DENND2D: variants seen among roughly 807,000 people sequenced by gnomAD.
DENND2D encodes the protein DENN domain containing 2D, also known as DENN domain-containing protein 2D.
DENND2D carries 37 observed loss-of-function variants against 59.8 expected under a neutral mutation model. The ratio of observed to expected loss-of-function variants is 0.62; its 90% CI spans 0.48 to 0.81. DENND2D has a LOEUF of 0.81. DENND2D is among the 40% of genes least tolerant of loss of function. DENND2D has a pLI of 0.00. For synonymous variants in DENND2D, 219 were observed against 211.3 expected, an observed-to-expected ratio of 1.04 and a Z score of -0.31; for missense variants, 525 against 579.7, an observed-to-expected ratio of 0.91 and a Z score of 0.97.
At position 111,198,709 on chromosome 1, in the gene DENND2D, C is replaced by A; in HGVS notation, c.277G>T (p.Glu93Ter). ...ENLLRGQQEE[E>*]ERLLKAIPLF... ...GGGATAGCTTTGAGCAGCCGCTCCT[C>A]CTCCTCCTGCTGACCCCGAAGCAGG... The change falls in exon 3 of 12, where the codon GAG becomes TAG. Residue 93 changes from glutamate to a stop codon, truncating the protein, a stop_gained. Transcript: ENST00000357640. LOFTEE classifies it high-confidence loss of function. 2 of 1,614,194 alleles carry A rather than the reference C, an allele frequency of 1.2e-6. No individual in the cohort carries two copies. The highest frequency in any genetic ancestry group is 1.7e-6 in the Non-Finnish European group (2 of 1,180,034).
upstream of DENND2D, chr1:111,201,014 C>T (rs1176826632): frequency 6.3e-6 from 1 of 159,292 alleles, no homozygotes; most frequent in African/African-American, 2.4e-5. Context: ...CCAGCAAGGC[C>T]ACCTGCTGAA....
chr1:111,186,579 A>C lies in DENND2D; in HGVS notation c.*1026T>G, dbSNP rs150325373. Among the ~76,000 whole-genome samples the C allele has an allele frequency of 6.6e-6, 1 of 152,286 alleles. No individual in the cohort carries two copies. The highest frequency in any genetic ancestry group is 2.4e-5 in the African/African-American group (1 of 41,564). ...AAAAGCTTCCCAATGCTTGAGTAGA[A>C]AGTATCAGTAGAGGTATCAAGGGAG... is the stretch of plus-strand genomic sequence containing the variant. On this transcript the variant is annotated 3_prime_UTR_variant, in exon 12 of 12. Coordinates refer to ENST00000357640, the MANE Select transcript of DENND2D (RefSeq NM_024901.5).
chr1:111,189,468 G>A, intron 8 of DENND2D: 1 of 579,684 alleles, frequency 1.7e-6, no homozygotes, highest in East Asian at 2.9e-5. Context: ...GTGGGTGTTT[G>A]TAGGAAGGGA....
At chr1:111,197,833 G>A (rs745636758) in intron 4 of DENND2D, 87 bp downstream of exon 4, 68 of 1,591,888 alleles carry the variant, frequency 4.3e-5, no homozygotes, top group Non-Finnish European at 5.6e-5. Flanking sequence ...CAATAAGCCC[G>A]GAGTTTTGCA....
chr1:111,203,740 G>A (rs1659027886), upstream of DENND2D, among the ~76,000 whole-genome samples: 1 of 152,198 alleles, frequency 6.6e-6, no homozygotes, highest in Non-Finnish European at 1.5e-5. Flanking sequence ...CCGCTCCGCT[G>A]GAGGCCACAC....
At chr1:111,189,352 C>CA in intron 8 of DENND2D, 99 bp from the exon 9 acceptor site, 5 of 1,286,546 alleles carry the variant, frequency 3.9e-6, no homozygotes, top group Non-Finnish European at 4.5e-6. Context: ...ATCTTTCAGC[C>CA]CAGGTAGCAA....
intron 8 of DENND2D, among the ~76,000 whole-genome samples, chr1:111,191,558 G>C (rs1657779608): frequency 6.6e-6 from 1 of 152,138 alleles, no homozygotes; most frequent in African/African-American, 2.4e-5. Flanking sequence ...TGGTGTGTCT[G>C]GTGCACTGCC....
chr1:111,204,397 C>A (rs1659111346), upstream of DENND2D: 1 of 1,355,614 alleles, frequency 7.4e-7, no homozygotes, highest in Non-Finnish European at 9.4e-7. Flanking sequence ...CCGCGCTGGC[C>A]CCGCCCCCCT....
rs1658618941 is a variant in DENND2D, at chr1:111,199,790, G to T, written c.76C>A (p.Gln26Lys). The change falls in exon 2 of 12, where the codon CAG becomes AAG. Residue 26 changes from glutamine to lysine, a missense_variant. Physicochemically the swap from Gln to Lys is moderately conservative, Grantham distance 53 (BLOSUM62 1). Coordinates refer to ENST00000357640, the MANE Select transcript of DENND2D (RefSeq NM_024901.5). ...RLLQLRAGPP[Q>K]DNSGEALKEP... Reference sequence around the variant, plus strand: ...TTTAAAGCTTCCCCTGAATTGTCCTGGGGTGGTCCTGAAATCAAGCCAGAG... The same window carrying T: ...TTTAAAGCTTCCCCTGAATTGTCCTTGGGTGGTCCTGAAATCAAGCCAGAG... The T allele has an allele frequency of 9.3e-6, 15 of 1,612,140 alleles. No homozygotes were observed. Among genetic ancestry groups the T allele is most frequent in the Non-Finnish European group, 1.3e-5 (15 of 1,179,418 alleles).
At chr1:111,200,345 C>T (rs1409738086) in intron 1 of DENND2D, 48 bp downstream of exon 1, 2 of 1,591,376 alleles carry the variant, frequency 1.3e-6, no homozygotes, top group Non-Finnish European at 1.7e-6. Flanking sequence ...ACAGTCCCGC[C>T]TAAGAGGGTC....
At chr1:111,197,424 G>A in intron 4 of DENND2D, 171 bp from the exon 5 acceptor site, 1 of 1,442,434 alleles carries the variant, frequency 6.9e-7, no homozygotes, top group Non-Finnish European at 9.1e-7. Flanking sequence ...AATCCTTGAG[G>A]GTACTGGGTG....
chr1:111,200,099 G>A, intron 1 of DENND2D: 1 of 557,882 alleles, frequency 1.8e-6, no homozygotes. Flanking sequence ...CACAGAGACT[G>A]CCTAACCTGT....
chr1:111,192,547 C>T (rs1456750545), intron 7 of DENND2D, among the ~76,000 whole-genome samples: 1 of 152,080 alleles, frequency 6.6e-6, no homozygotes, highest in Admixed American at 6.5e-5. Flanking sequence ...TTGATTTGAC[C>T]CTTCTTTTCC....
upstream of DENND2D, among the ~76,000 whole-genome samples, chr1:111,203,878 C>G (rs1266035149): frequency 6.6e-6 from 1 of 151,376 alleles, no homozygotes; most frequent in Non-Finnish European, 1.5e-5. Flanking sequence ...GCAAAGACCA[C>G]GGAGGACTCC....
upstream of DENND2D, among the ~76,000 whole-genome samples, chr1:111,202,696 TACACACACACACAC>T (rs5741908): frequency 7.0e-6 from 1 of 142,960 alleles, no homozygotes; most frequent in South Asian, 2.3e-4. Context: ...GTCACCAGGA[TACACACACACACAC>T]ACACACACAC....
chr1:111,199,879 C>T (rs1234344965), intron 1 of DENND2D, 81 bp from the exon 2 acceptor site: 2 of 1,529,648 alleles, frequency 1.3e-6, no homozygotes, highest in Admixed American at 2.0e-5. Flanking sequence ...CGGGTGACCT[C>T]CACACCTCAA....
Position 111,187,553 on chromosome 1 carries a change from C to T in DENND2D, c.*52G>A. 6.6e-7 allele frequency: 1 copy of T among 1,518,022 alleles called. No individual in the cohort carries two copies. The highest frequency in any genetic ancestry group is 1.7e-5 in the Admixed American group (1 of 59,202). 94.0% of individuals were successfully genotyped at this position (1,518,022 alleles called of 1,614,324 possible). ...GCTGATCCTGCCACACTGGCAGGGGCTGAAGTCCAGAAATGGTGTGTAGCT... is the reference window on the plus strand; with the variant it reads ...GCTGATCCTGCCACACTGGCAGGGGTTGAAGTCCAGAAATGGTGTGTAGCT... On this transcript the variant is annotated 3_prime_UTR_variant, in exon 12 of 12. Transcript: ENST00000357640.
chr1:111,197,057 C>G (rs1330962508), intron 5 of DENND2D, 119 bp downstream of exon 5: 2 of 1,206,752 alleles, frequency 1.7e-6, no homozygotes, highest in African/African-American at 1.5e-5. Context: ...CCCAAGTGTG[C>G]TTTAATGCTG....
chr1:111,192,255 G>A lies in DENND2D; in HGVS notation c.857C>T (p.Thr286Ile). ...GCTCTCAGGGACAACAGGGATGTAG[G>A]TGTGCGCCCAGCTGAAGGGGTAGAG... ...ALLYPFSWAH[T>I]YIPVVPESLL... Residue 286 changes from threonine (T) to isoleucine (I), a missense_variant, in exon 8 of 12, where the codon ACC becomes ATC. By Grantham distance (89) the Thr-to-Ile change is moderately conservative. Around this residue, in one of 3 missense-constraint regions of DENND2D, gnomAD observed 225 missense variants for 252.4 expected, o/e 0.89. Coordinates refer to ENST00000357640, the MANE Select transcript of DENND2D (RefSeq NM_024901.5). The A allele has an allele frequency of 1.2e-6, 2 of 1,614,030 alleles. No individual in the cohort carries two copies. Among genetic ancestry groups the A allele is most frequent in the Non-Finnish European group, 1.7e-6 (2 of 1,179,944 alleles).
Sources: gnomAD v4.1 joint callset for allele counts (sites outside exome capture counted in the v4.1 genomes callset) on GRCh38, gnomAD v4.1.1 for gene constraint, gnomAD v4.1.1 regional missense constraint, MANE v1.5 for transcripts, NCBI Gene and HGNC (gene_info 2026-07-23, HGNC 2026-07-21) for gene names.